Variants in TUSC3 observed in about 807,000 individuals in gnomAD.
The protein encoded by TUSC3 is dolichyl-diphosphooligosaccharide--protein glycosyltransferase subunit TUSC3.
Under a neutral mutation model 44.8 loss-of-function variants are expected in TUSC3, and 45 were observed. That is an observed-to-expected ratio of 1.00 (90% CI 0.79 to 1.29). The LOEUF is 1.29. Among genes scored for constraint, TUSC3 ranks in the 50% most tolerant of loss-of-function variants. The pLI, the probability that TUSC3 is intolerant of heterozygous loss-of-function variation, is 0.00. For synonymous variants in TUSC3, 212 were observed against 152.9 expected (o/e 1.39, Z -2.85); for missense variants, 519 against 437.9 (o/e 1.19, Z -1.65).
chr8:15,420,589 C>G (rs923875986), intron 1 of TUSC3, among the ~76,000 whole-genome samples: 1 of 131,184 alleles, frequency 7.6e-6, no homozygotes, highest in African/African-American at 3.4e-5. Context: ...TTTTGTCTGC[C>G]TCCAGTTTCT....
intron 1 of TUSC3, among the ~76,000 whole-genome samples, chr8:15,592,176 C>G (rs1031862033): frequency 6.6e-6 from 1 of 151,978 alleles, no homozygotes; most frequent in Non-Finnish European, 1.5e-5. Flanking sequence ...TAGTAAAATG[C>G]GAAAAAGTGG....
the TUSC3 span, among the ~76,000 whole-genome samples, chr8:15,805,998 T>G: frequency 6.6e-6 from 1 of 152,190 alleles, no homozygotes; most frequent in Non-Finnish European, 1.5e-5. Flanking sequence ...GAGCCAGAAG[T>G]TGTACTGCTG....
At chr8:15,662,422 T>C in intron 5 of TUSC3, 126 bp downstream of exon 5, 1 of 1,339,246 alleles carries the variant, frequency 7.5e-7, no homozygotes. Context: ...AAGTAACTTT[T>C]TAGAACTTGG....
At chr8:15,438,221 A>G (rs1049302781) in intron 1 of TUSC3, among the ~76,000 whole-genome samples, 1 of 152,072 alleles carries the variant, frequency 6.6e-6, no homozygotes, top group Non-Finnish European at 1.5e-5. Context: ...CAGCCTCCCA[A>G]GCAGCTAGGA....
At chr8:15,586,234 G>C (rs767675852) in intron 1 of TUSC3, among the ~76,000 whole-genome samples, 1 of 151,796 alleles carries the variant, frequency 6.6e-6, no homozygotes, top group South Asian at 2.1e-4. Context: ...AATGTTGTGA[G>C]TTAAGAAGTG....
At chr8:15,658,356 A>G (rs375571669) in intron 3 of TUSC3, among the ~76,000 whole-genome samples, 1 of 152,158 alleles carries the variant, frequency 6.6e-6, no homozygotes, top group Non-Finnish European at 1.5e-5. Context: ...TGACTGCTGT[A>G]GTCAGAGTTC....
the TUSC3 span, among the ~76,000 whole-genome samples, chr8:15,793,807 T>C: frequency 6.6e-6 from 1 of 152,202 alleles, no homozygotes; most frequent in African/African-American, 2.4e-5. Context: ...AACTGCTGAA[T>C]GAACTGAATG....
chr8:15,688,347 C>T (rs1808730399), intron 6 of TUSC3, among the ~76,000 whole-genome samples: 1 of 151,960 alleles, frequency 6.6e-6, no homozygotes, highest in South Asian at 2.1e-4. Flanking sequence ...GGTTTTGACT[C>T]CACATAATGC....
chr8:15,597,450 G>C (rs1804118893), intron 1 of TUSC3, among the ~76,000 whole-genome samples: 1 of 152,056 alleles, frequency 6.6e-6, no homozygotes, highest in African/African-American at 2.4e-5. Flanking sequence ...AATTTATTGA[G>C]AACATTGATG....
At chr8:15,600,947 T>G (rs2129154440) in intron 1 of TUSC3, among the ~76,000 whole-genome samples, 1 of 151,814 alleles carries the variant, frequency 6.6e-6, no homozygotes, top group Admixed American at 6.6e-5. Context: ...TCAGATACTG[T>G]GCTAAATACT....
At chr8:15,630,014 CT>C (rs34085255) in intron 2 of TUSC3, among the ~76,000 whole-genome samples, 81,428 of 151,604 alleles carry the variant, frequency 0.54, 22,052 homozygotes, top group East Asian at 0.63. Flanking sequence ...TAGCTCCAAA[CT>C]TTTTTTTTAA....
intron 1 of TUSC3, among the ~76,000 whole-genome samples, chr8:15,549,391 C>G (rs765899327): frequency 1.3e-5 from 2 of 151,556 alleles, no homozygotes; most frequent in Non-Finnish European, 2.9e-5. Flanking sequence ...TCAGGCTGGT[C>G]TCAAACTCCT....
chr8:15,523,664 A>ATGTGTG lies in TUSC3; in HGVS notation n.189+40221_189+40226dup, dbSNP rs869090876. Among the ~76,000 whole-genome samples the ATGTGTG allele has an allele frequency of 1.3e-3, 57 of 42,498 alleles. 3 individuals are homozygous for ATGTGTG. Among genetic ancestry groups the ATGTGTG allele is most frequent in the African/African-American group, 4.6e-3 (53 of 11,544 alleles). 27.9% of individuals were successfully genotyped at this position (42,498 alleles called of 152,430 possible). On this transcript the variant is annotated intron_variant and non_coding_transcript_variant, in intron 2 of 5. Transcript: ENST00000503191. ...CATATATATATATATATATATATAT[A>ATGTGTG]TGTGTGTGTGTGTGTGTGTGTGTGT...
Position 15,540,499 on chromosome 8 carries a change from G to C in TUSC3, c.69G>C (p.Gly23=), listed in dbSNP as rs1375159650. The change falls in exon 1 of 11, where the codon GGG becomes GGC. Residue 23 remains glycine (G), a synonymous_variant. Transcript: ENST00000503731. ...AGRRLRYLPT[G]SFPFLLLLLL... The stretch of plus-strand genomic sequence containing the variant: ...GGCGGCTGCGGTACCTGCCCACCGG[G>C]AGCTTTCCCTTCCTTCTCCTGCTGC... The C allele has an allele frequency of 1.2e-6, 2 of 1,608,924 alleles. No individual in the cohort carries two copies. The highest frequency in any genetic ancestry group is 1.1e-5 in the South Asian group (1 of 90,534).
the TUSC3 span, among the ~76,000 whole-genome samples, chr8:15,790,217 T>TG: frequency 7.1e-6 from 1 of 141,152 alleles, no homozygotes; most frequent in Non-Finnish European, 1.5e-5. Context: ...GATGGAGTCT[T>TG]GCTCTGTCAC....
intron 9 of TUSC3, among the ~76,000 whole-genome samples, chr8:15,754,897 A>G (rs1811859646): frequency 6.6e-6 from 1 of 151,966 alleles, no homozygotes; most frequent in Non-Finnish European, 1.5e-5. Flanking sequence ...TTTTTATTTT[A>G]ATCTTAAGCC....
chr8:15,470,082 C>G (rs1309320493), intron 1 of TUSC3, among the ~76,000 whole-genome samples: 1 of 150,662 alleles, frequency 6.6e-6, no homozygotes. Flanking sequence ...ATAGGAAAAC[C>G]TCGTCCCTAC....
At chr8:15,748,259 G>A (rs533550227) in intron 8 of TUSC3, 116 bp from the exon 9 acceptor site, 2 of 799,862 alleles carry the variant, frequency 2.5e-6, no homozygotes, top group Non-Finnish European at 4.4e-6. Context: ...GTACCTGTAT[G>A]TACCATGAAC....
intron 10 of TUSC3, chr8:15,758,399 A>T (rs1812024146): frequency 1.2e-5 from 4 of 341,490 alleles, no homozygotes; most frequent in Non-Finnish European, 1.6e-5. Flanking sequence ...AATTTTACAT[A>T]AAAATATAAT....
Sources: allele counts gnomAD v4.1 joint callset (sites outside exome capture counted in the v4.1 genomes callset), GRCh38; gene constraint gnomAD v4.1.1; transcripts MANE v1.5; gene names NCBI Gene and HGNC (gene_info 2026-07-23, HGNC 2026-07-21).